The following TOP1 variants were observed in gnomAD, a reference collection of about 807,000 sequenced individuals.
TOP1 encodes the protein DNA topoisomerase 1.
In TOP1, 10 loss-of-function variants were observed where a neutral mutation model predicts 111.1. The observed-to-expected ratio is 0.09, with a 90% CI of 0.06 to 0.15. The LOEUF is 0.15. TOP1 is among the 10% of genes least tolerant of loss of function. TOP1 has a pLI of 1.00. For synonymous variants in TOP1, 271 were observed against 302.9 expected (o/e 0.89, Z 1.10); for missense variants, 474 against 926.7 (o/e 0.51, Z 6.34).
rs893016852 is a variant in TOP1 at position 41,028,895 on chromosome 20, G to C, written c.-173G>C. 5 of 570,466 alleles carry C rather than the reference G, an allele frequency of 8.8e-6. No homozygotes were observed. In the South Asian group the frequency reaches 1.0e-4, roughly 12 times the overall value. The allele number at this position is 570,466 out of a possible 1,614,324, so 35.3% of individuals were successfully genotyped here. On this transcript the variant is annotated 5_prime_UTR_variant, in exon 1 of 21. Coordinates refer to ENST00000361337, the MANE Select transcript of TOP1 (RefSeq NM_003286.4). ...GCCCGCCCGGCAGTCAGGCAGCGTC[G>C]CCGCCGTGGTAGCAGCCTCAGCCGT... is the stretch of plus-strand genomic sequence containing the variant.
intron 4 of TOP1, 29 bp from the exon 5 acceptor site, chr20:41,077,553 G>T (rs766210964): frequency 1.9e-6 from 3 of 1,598,536 alleles, no homozygotes; most frequent in East Asian, 4.5e-5. Flanking sequence ...TCCTTTCAAG[G>T]TACTAGTTAC....
At chr20:41,056,913 C>T (rs1195287932) in intron 2 of TOP1, among the ~76,000 whole-genome samples, 1 of 152,086 alleles carries the variant, frequency 6.6e-6, no homozygotes, top group Non-Finnish European at 1.5e-5. Flanking sequence ...ACAGCAGTTG[C>T]TTTAAAAAAC....
intron 8 of TOP1, among the ~76,000 whole-genome samples, chr20:41,091,090 G>A (rs964723801): frequency 5.9e-5 from 9 of 152,074 alleles, no homozygotes; most frequent in African/African-American, 2.2e-4. Flanking sequence ...GTTGACTTTG[G>A]TTTTATAGTA....
chr20:41,040,015 G>C (rs2033241214), intron 2 of TOP1, among the ~76,000 whole-genome samples: 2 of 152,238 alleles, frequency 1.3e-5, no homozygotes, highest in African/African-American at 4.8e-5. Flanking sequence ...GCTAATTCAA[G>C]TATTTGAAAT....
At chr20:41,045,299 C>T (rs936119706) in intron 2 of TOP1, among the ~76,000 whole-genome samples, 3 of 152,034 alleles carry the variant, frequency 2.0e-5, no homozygotes, top group South Asian at 2.1e-4. Context: ...ATTTAAAAAT[C>T]CAAAGACACG....
chr20:41,053,462 T>C (rs1023718934), intron 2 of TOP1, among the ~76,000 whole-genome samples: 5 of 152,182 alleles, frequency 3.3e-5, no homozygotes, highest in Non-Finnish European at 7.4e-5. Flanking sequence ...CTTAGACTTT[T>C]TTTCCCCCAA....
At chr20:41,093,916 G>A (rs1209336780) in intron 9 of TOP1, among the ~76,000 whole-genome samples, 2 of 152,142 alleles carry the variant, frequency 1.3e-5, no homozygotes, top group Non-Finnish European at 2.9e-5. Flanking sequence ...AGCCAAGTGT[G>A]GTGGTGCACG....
chr20:41,065,226 T>C (rs2033592857), intron 3 of TOP1, among the ~76,000 whole-genome samples: 1 of 152,126 alleles, frequency 6.6e-6, no homozygotes, highest in South Asian at 2.1e-4. Flanking sequence ...TTTTGCATCC[T>C]TCAGGCTTAG....
chr20:41,075,199 T>C (rs1346575998), intron 3 of TOP1, among the ~76,000 whole-genome samples: 1 of 152,070 alleles, frequency 6.6e-6, no homozygotes, highest in African/African-American at 2.4e-5. Flanking sequence ...TGAGGCAGAG[T>C]CTCGCTCTTT....
intron 18 of TOP1, among the ~76,000 whole-genome samples, chr20:41,120,343 T>A (rs2034402355): frequency 6.6e-6 from 1 of 152,224 alleles, no homozygotes; most frequent in Non-Finnish European, 1.5e-5. Flanking sequence ...GGCCTCTGTT[T>A]CCAATCTTGG....
intron 8 of TOP1, among the ~76,000 whole-genome samples, chr20:41,091,514 T>C (rs2033919018): frequency 6.6e-6 from 1 of 151,592 alleles, no homozygotes; most frequent in Admixed American, 6.6e-5. Context: ...ACTTTGAAAA[T>C]GGTTCGGCCA....
Position 41,046,559 on chromosome 20 carries a change from T to G in TOP1, c.59-14835T>G, listed in dbSNP as rs2033337153. ...GCACTTTAATGTAATTCTTTCCCTA[T>G]TAAGGGAAGCTTGCTTGCCTTTGCA... On this transcript the variant is annotated intron_variant, in intron 2 of 20. Coordinates refer to ENST00000361337, the MANE Select transcript of TOP1 (RefSeq NM_003286.4). This position sits in a 1 kb window ranked among gnomAD's most constrained non-coding sequence, Gnocchi z 4.3. 6.6e-6 allele frequency among the ~76,000 whole-genome samples: 1 copy of G among 152,210 alleles called. No individual in the cohort carries two copies. Among genetic ancestry groups the G allele is most frequent in the South Asian group, 2.1e-4 (1 of 4,830 alleles).
rs1250959325 is a variant in TOP1, at chr20:41,123,791, T to TA, written c.*495dup. 4 of 232,730 alleles carry TA rather than the reference T, an allele frequency of 1.7e-5. No homozygotes were observed. Among genetic ancestry groups the TA allele is most frequent in the East Asian group, 1.2e-4 (2 of 16,392 alleles). The allele number at this position is 232,730 out of a possible 1,614,324, so 14.4% of individuals were successfully genotyped here. On this transcript the variant is annotated 3_prime_UTR_variant, in exon 21 of 21. Transcript: ENST00000361337. This position sits in a 1 kb window ranked among gnomAD's most constrained non-coding sequence, Gnocchi z 5.8. ...AGAACAAAAAACCCAGCGCACCTGT[T>TA]AGAGTCGTCACTCTCTATTGTCATG...
At chr20:41,038,912 C>T (rs1213607679) in intron 2 of TOP1, among the ~76,000 whole-genome samples, 2 of 151,918 alleles carry the variant, frequency 1.3e-5, no homozygotes, top group Non-Finnish European at 2.9e-5. Flanking sequence ...TGCTTAAGCC[C>T]CGGGAGGTGG....
rs2034452619 is a variant in TOP1, at chr20:41,123,600, T to A, written c.*303T>A. ...TTTGTCAGCGTTCTACCAGGCAAAT[T>A]CACTGTTTCACTGAAATGTTTGGAT... On this transcript the variant is annotated 3_prime_UTR_variant, in exon 21 of 21. Coordinates refer to ENST00000361337, the MANE Select transcript of TOP1 (RefSeq NM_003286.4). The surrounding 1 kb of genome is among the most constrained non-coding windows in gnomAD (Gnocchi z 5.8). The A allele has an allele frequency of 3.3e-6, 1 of 306,158 alleles. No homozygotes were observed. 19.0% of individuals were successfully genotyped at this position (306,158 alleles called of 1,614,324 possible).
intron 11 of TOP1, among the ~76,000 whole-genome samples, chr20:41,099,795 A>T (rs2034034177): frequency 6.6e-6 from 1 of 152,214 alleles, no homozygotes; most frequent in Non-Finnish European, 1.5e-5. Flanking sequence ...CCCAAATAAC[A>T]TTTACAAACA....
chr20:41,093,595 C>A (rs1460923017), intron 9 of TOP1, among the ~76,000 whole-genome samples: 1 of 152,146 alleles, frequency 6.6e-6, no homozygotes, highest in African/African-American at 2.4e-5. Flanking sequence ...CCTCAGCCCC[C>A]CACTGTTTTC....
At position 41,092,426 on chromosome 20, in the gene TOP1, T is replaced by G. The variant is rs750031412; in HGVS notation, c.615-46T>G. ...CATTTAATCAGTGATGATCCCCATG[T>G]TAGACAAGGCGATCACTAAATGAGG... On this transcript the variant is annotated intron_variant, in intron 8 of 20. Coordinates refer to ENST00000361337, the MANE Select transcript of TOP1 (RefSeq NM_003286.4). This position sits in a 1 kb window ranked among gnomAD's most constrained non-coding sequence, Gnocchi z 4.3. 4.0e-5 allele frequency: 38 copies of G among 942,556 alleles called. No individual in the cohort carries two copies. The highest frequency in any genetic ancestry group is 3.7e-4 in the African/African-American group (22 of 60,042). 58.4% of individuals were successfully genotyped at this position (942,556 alleles called of 1,614,324 possible). A position where few individuals can be genotyped will look rare whatever the true frequency, so the allele number is the denominator to read the frequency against.
At chr20:41,077,858 G>A (rs550039610) in intron 5 of TOP1, among the ~76,000 whole-genome samples, 7 of 151,838 alleles carry the variant, frequency 4.6e-5, no homozygotes, top group Admixed American at 1.3e-4. Flanking sequence ...AGGTTATTTC[G>A]AATAGAGAAG....
Sources: gnomAD v4.1 joint callset for allele counts (sites outside exome capture counted in the v4.1 genomes callset) on GRCh38, gnomAD v4.1.1 for gene constraint, Gnocchi (gnomAD v3.1) non-coding constraint, MANE v1.5 for transcripts, NCBI Gene and HGNC (gene_info 2026-07-23, HGNC 2026-07-21) for gene names.